RNFT2: variants seen among roughly 807,000 people sequenced by gnomAD.
RNFT2 encodes E3 ubiquitin-protein ligase RNFT2.
In RNFT2, 36 loss-of-function variants were observed where a neutral mutation model predicts 53.0. The observed-to-expected ratio is 0.68, with a 90% confidence interval of 0.52 to 0.90. RNFT2 has a LOEUF of 0.90. RNFT2 is among the 40% of genes least tolerant of loss of function. RNFT2 has a pLI of 0.00. For synonymous variants in RNFT2, 260 were observed against 253.2 expected, an observed-to-expected ratio of 1.03 and a Z score of -0.26; for missense variants, 514 against 585.6, an observed-to-expected ratio of 0.88 and a Z score of 1.26.
intron 10 of RNFT2, among the ~76,000 whole-genome samples, chr12:116,848,818 G>GT (rs1241857293): frequency 1.3e-5 from 2 of 148,784 alleles, no homozygotes; most frequent in Non-Finnish European, 3.0e-5. Flanking sequence ...TTGTTTGTTT[G>GT]TTTTTTGTTT....
At chr12:116,799,588 T>C (rs1248382761) in intron 7 of RNFT2, among the ~76,000 whole-genome samples, 1 of 152,200 alleles carries the variant, frequency 6.6e-6, no homozygotes, top group African/African-American at 2.4e-5. Context: ...TGTTTTTTTT[T>C]AACAGCGGTT....
rs3069310 is a variant in RNFT2 at position 116,800,812 on chromosome 12, TTAAAATAAAATAAAATAAAA to T, written c.882+21495_882+21514del. ...CCAGGTGACAGAGCAAGACTCCATC[TTAAAATAAAATAAAATAAAA>T]TAAAATAAAATAAAATAAAATAAAA... On this transcript the variant is annotated intron_variant, in intron 7 of 10. Transcript: ENST00000257575. 5.9e-3 allele frequency among the ~76,000 whole-genome samples: 676 copies of T among 114,860 alleles called. 15 individuals carry two copies. The highest frequency in any genetic ancestry group is 0.022 in the African/African-American group (643 of 29,796). 75.4% of individuals were successfully genotyped at this position (114,860 alleles called of 152,430 possible).
intron 8 of RNFT2, among the ~76,000 whole-genome samples, chr12:116,834,365 C>G (rs1206701450): frequency 6.6e-6 from 1 of 151,996 alleles, no homozygotes; most frequent in Non-Finnish European, 1.5e-5. Flanking sequence ...GTGATCTGCC[C>G]ACCTCTGCCT....
intron 4 of RNFT2, among the ~76,000 whole-genome samples, chr12:116,751,105 G>A (rs905677944): frequency 4.0e-5 from 6 of 150,206 alleles, no homozygotes; most frequent in African/African-American, 1.2e-4. Flanking sequence ...TCATAGAGTC[G>A]AAGTCTCACT....
intron 10 of RNFT2, 63 bp downstream of exon 10, chr12:116,836,345 A>C: frequency 1.5e-6 from 2 of 1,370,110 alleles, no homozygotes; most frequent in East Asian, 2.5e-5. Context: ...ACCCTTCCCC[A>C]TGGGCAGTCC....
intron 7 of RNFT2, among the ~76,000 whole-genome samples, chr12:116,815,057 AGGGGCCCT>A (rs756051079): frequency 2.0e-5 from 3 of 152,084 alleles, no homozygotes; most frequent in Non-Finnish European, 4.4e-5. Flanking sequence ...TATGTCAACA[AGGGGCCCT>A]GCATTTTAAT....
chr12:116,797,218 G>A (rs549914285), intron 7 of RNFT2, among the ~76,000 whole-genome samples: 7 of 152,194 alleles, frequency 4.6e-5, no homozygotes, highest in African/African-American at 1.7e-4. Context: ...TATGTGTGTT[G>A]GAGTCCAAAC....
At chr12:116,776,159 T>C (rs1168918620) in intron 6 of RNFT2, among the ~76,000 whole-genome samples, 1 of 152,200 alleles carries the variant, frequency 6.6e-6, no homozygotes, top group African/African-American at 2.4e-5. Flanking sequence ...TTGGACTTGA[T>C]GATGAATCCA....
At chr12:116,840,113 A>G (rs973190614) in intron 10 of RNFT2, among the ~76,000 whole-genome samples, 1 of 152,234 alleles carries the variant, frequency 6.6e-6, no homozygotes, top group Non-Finnish European at 1.5e-5. Flanking sequence ...GTAAGAGTGC[A>G]TTTAGAGAAT....
intron 5 of RNFT2, chr12:116,755,715 G>A (rs934836487): frequency 1.6e-5 from 24 of 1,495,742 alleles, no homozygotes; most frequent in Middle Eastern, 1.7e-4. Flanking sequence ...TAACACTTAC[G>A]GGGCATTCCT....
chr12:116,767,744 G>C (rs1030927600), intron 6 of RNFT2, among the ~76,000 whole-genome samples: 2 of 151,268 alleles, frequency 1.3e-5, no homozygotes, highest in African/African-American at 4.9e-5. Context: ...CACGCCCAGC[G>C]AATTTTTGTA....
intron 7 of RNFT2, among the ~76,000 whole-genome samples, chr12:116,800,870 A>G (rs2393107): frequency 0.94 from 141,575 of 150,924 alleles, 66,508 homozygotes; most frequent in African/African-American, 0.98. Context: ...AAAACCATTT[A>G]ACAGATAAAA....
chr12:116,753,383 T>G (rs1385688639), intron 4 of RNFT2, among the ~76,000 whole-genome samples: 1 of 152,162 alleles, frequency 6.6e-6, no homozygotes, highest in African/African-American at 2.4e-5. Flanking sequence ...ACTCCTGGCC[T>G]CAAGTGATCT....
chr12:116,744,965 G>T (rs986438012), intron 3 of RNFT2, among the ~76,000 whole-genome samples: 6 of 152,088 alleles, frequency 3.9e-5, no homozygotes, highest in Admixed American at 6.6e-5. Flanking sequence ...TGCTTTCTGA[G>T]CTGAGCTCTT....
intron 7 of RNFT2, among the ~76,000 whole-genome samples, chr12:116,832,898 C>CTTTTTTTTTTTTTTTTTTTTTTT (rs71095601): frequency 1.2e-5 from 1 of 84,766 alleles, no homozygotes; most frequent in Non-Finnish European, 2.1e-5. Context: ...AAGTCGTGTT[C>CTTTTTTTTTTTTTTTTTTTTTTT]TTTTTTTTTT....
At chr12:116,794,374 G>T (rs949926546) in intron 7 of RNFT2, among the ~76,000 whole-genome samples, 2 of 152,140 alleles carry the variant, frequency 1.3e-5, no homozygotes, top group Admixed American at 6.5e-5. Flanking sequence ...AAGGCAGGCG[G>T]ATCCCTTGAG....
intron 7 of RNFT2, among the ~76,000 whole-genome samples, chr12:116,807,869 T>C (rs551395773): frequency 6.6e-5 from 10 of 152,282 alleles, no homozygotes; most frequent in African/African-American, 9.6e-5. Context: ...TTTGATGCGA[T>C]TGTGGCTCAC....
At position 116,750,177 on chromosome 12, in the gene RNFT2, G is replaced by T; in HGVS notation, c.420G>T (p.Glu140Asp). 1 of 1,596,792 alleles carries T rather than the reference G, an allele frequency of 6.3e-7. No individual in the cohort carries two copies. The highest frequency in any genetic ancestry group is 8.5e-7 in the Non-Finnish European group (1 of 1,176,288). Reference sequence around the variant, plus strand: ...GGGACCACCGGGGGCACTCGGAGGAGGGAGGCGACGAGCAGCCTGGGACGC... The same window carrying T: ...GGGACCACCGGGGGCACTCGGAGGATGGAGGCGACGAGCAGCCTGGGACGC... Reference protein sequence around the residue: ...VGGDHRGHSEEGGDEQPGTPA... With the variant: ...VGGDHRGHSEDGGDEQPGTPA... The change falls in exon 4 of 11, where the codon GAG (glutamate) becomes GAT (aspartate). Residue 140 changes from glutamate (E) to aspartate (D), a missense_variant. Transcript: ENST00000257575.
At chr12:116,760,852 C>T (rs896085164) in intron 5 of RNFT2, among the ~76,000 whole-genome samples, 1 of 152,152 alleles carries the variant, frequency 6.6e-6, no homozygotes, top group Non-Finnish European at 1.5e-5. Context: ...GCCTCCCATC[C>T]GCCATGATCT....
Sources: allele counts gnomAD v4.1 joint callset (sites outside exome capture counted in the v4.1 genomes callset), GRCh38; gene constraint gnomAD v4.1.1; transcripts MANE v1.5; gene names NCBI Gene and HGNC (gene_info 2026-07-23, HGNC 2026-07-21).